The following PRP4K variants were observed in gnomAD, a reference collection of about 807,000 sequenced individuals.
The protein encoded by PRP4K is serine/threonine-protein kinase PRP4 homolog.
At chr6:4,045,795 CT>C in the PRP4K span, among the ~76,000 whole-genome samples, 1 of 152,114 alleles carries the variant, frequency 6.6e-6, no homozygotes, top group South Asian at 2.1e-4. Flanking sequence ...AATTCTCTGT[CT>C]TTTAAAATCA....
At chr6:4,039,665 T>C in the PRP4K span, among the ~76,000 whole-genome samples, 1 of 152,194 alleles carries the variant, frequency 6.6e-6, no homozygotes, top group East Asian at 1.9e-4. Context: ...TGTTGTGACA[T>C]GTTCTGACTG....
the PRP4K span, among the ~76,000 whole-genome samples, chr6:4,034,333 T>C: frequency 6.6e-6 from 1 of 152,156 alleles, no homozygotes; most frequent in African/African-American, 2.4e-5. Context: ...TGATGAAAAA[T>C]TTAGGTTGGT....
chr6:4,025,829 A>G, the PRP4K span, among the ~76,000 whole-genome samples: 2 of 152,344 alleles, frequency 1.3e-5, no homozygotes, highest in South Asian at 4.1e-4. Flanking sequence ...GGAGGGGTTG[A>G]TGAAATGTAA....
chr6:4,032,769 A>G, the PRP4K span: 11 of 1,542,348 alleles, frequency 7.1e-6, no homozygotes, highest in Admixed American at 9.2e-5. Flanking sequence ...ACTTGTGTAC[A>G]AAATGTTAAA....
chr6:4,030,002 G>A, the PRP4K span, among the ~76,000 whole-genome samples: 7 of 151,658 alleles, frequency 4.6e-5, no homozygotes, highest in African/African-American at 1.7e-4. Context: ...GAGTGCAATG[G>A]CGCAATCTTG....
the PRP4K span, among the ~76,000 whole-genome samples, chr6:4,053,929 A>T: frequency 7.3e-5 from 4 of 54,944 alleles, no homozygotes; most frequent in Non-Finnish European, 1.1e-4. Context: ...TTTTGTTTTG[A>T]GGTAAGGTCT....
the PRP4K span, among the ~76,000 whole-genome samples, chr6:4,030,589 AATC>A: frequency 6.6e-6 from 1 of 152,240 alleles, no homozygotes; most frequent in African/African-American, 2.4e-5. Flanking sequence ...CGTAATTTAG[AATC>A]ATAAACTTTT....
chr6:4,039,322 A>G, the PRP4K span, among the ~76,000 whole-genome samples: 1 of 152,210 alleles, frequency 6.6e-6, no homozygotes, highest in East Asian at 1.9e-4. Flanking sequence ...TTCTTGGGCT[A>G]TGAGTTTTCC....
At chr6:4,039,226 A>G in the PRP4K span, among the ~76,000 whole-genome samples, 3 of 152,176 alleles carry the variant, frequency 2.0e-5, no homozygotes, top group East Asian at 1.9e-4. Flanking sequence ...TTTTTCTTCT[A>G]TTGTGACAGT....
chr6:4,040,058 GTA>G, the PRP4K span, among the ~76,000 whole-genome samples: 1 of 151,656 alleles, frequency 6.6e-6, no homozygotes, highest in Non-Finnish European at 1.5e-5. Flanking sequence ...TAATTTTTTT[GTA>G]TGTTTTGTGG....
At chr6:4,037,499 T>C in the PRP4K span, 7 of 1,613,904 alleles carry the variant, frequency 4.3e-6, no homozygotes, top group Non-Finnish European at 5.9e-6. Context: ...GATCTCCCAT[T>C]AGAAGGAGGT....
the PRP4K span, among the ~76,000 whole-genome samples, chr6:4,033,649 A>G: frequency 2.0e-5 from 3 of 152,174 alleles, no homozygotes; most frequent in African/African-American, 7.2e-5. Flanking sequence ...CTATATAAGG[A>G]TGTTATTAAT....
the PRP4K span, chr6:4,043,703 C>G: frequency 1.0e-6 from 1 of 978,008 alleles, no homozygotes; most frequent in Non-Finnish European, 1.5e-6. Context: ...TGGTTTGTTA[C>G]ATTATTTGAT....
the PRP4K span, among the ~76,000 whole-genome samples, chr6:4,021,681 C>T: frequency 6.6e-5 from 10 of 152,214 alleles, no homozygotes; most frequent in Non-Finnish European, 1.3e-4. Flanking sequence ...CGGCCGCGGC[C>T]TGCCGCGCGT....
chr6:4,060,775 TGTTA>T, the PRP4K span: 24 of 718,160 alleles, frequency 3.3e-5, no homozygotes, highest in Middle Eastern at 4.0e-4. This position sits in a 1 kb window ranked among gnomAD's most constrained non-coding sequence, Gnocchi z 4.7. Context: ...CTTTTAGAGA[TGTTA>T]GTTAATCTGT....
the PRP4K span, chr6:4,056,609 G>A: frequency 1.3e-6 from 2 of 1,587,908 alleles, no homozygotes; most frequent in Non-Finnish European, 8.5e-7. Flanking sequence ...TGTGACAGGA[G>A]TCTTGATCAT....
At chr6:4,027,948 C>T in the PRP4K span, among the ~76,000 whole-genome samples, 30 of 152,222 alleles carry the variant, frequency 2.0e-4, no homozygotes, top group South Asian at 6.2e-4. Flanking sequence ...AAAGATCATT[C>T]TCAATCTTTA....
chr6:4,048,378 CAAAAAAAAA>C, the PRP4K span, among the ~76,000 whole-genome samples: 1 of 98,934 alleles, frequency 1.0e-5, no homozygotes, highest in Admixed American at 1.1e-4. Context: ...GACTCCGTCT[CAAAAAAAAA>C]AAAAAAAAAA....
the PRP4K span, among the ~76,000 whole-genome samples, chr6:4,033,843 C>T: frequency 6.7e-4 from 101 of 151,600 alleles, no homozygotes; most frequent in South Asian, 2.7e-3. Context: ...CCCCTTTTTC[C>T]TTTGGCTTCC....
Sources: allele counts gnomAD v4.1 joint callset (sites outside exome capture counted in the v4.1 genomes callset), GRCh38; gene constraint gnomAD v4.1.1; non-coding constraint Gnocchi (gnomAD v3.1); transcripts MANE v1.5; gene names NCBI Gene and HGNC (gene_info 2026-07-23, HGNC 2026-07-21).